Variants in MAP4K3 observed in about 807,000 individuals in gnomAD.
MAP4K3 encodes the protein MAPK/ERK kinase kinase kinase 3.
MAP4K3 carries 94 observed loss-of-function variants against 143.5 expected under a neutral mutation model. The observed-to-expected ratio is 0.65, with a 90% confidence interval of 0.55 to 0.78. The LOEUF (loss-of-function observed/expected upper bound fraction) is 0.78. Among genes scored for constraint, MAP4K3 ranks in the 30% least tolerant of loss-of-function variants. The pLI is 0.00. For synonymous variants in MAP4K3, 416 were observed against 347.2 expected, an observed-to-expected ratio of 1.20 and a Z score of -2.20; for missense variants, 1,077 against 1,068.1, an observed-to-expected ratio of 1.01 and a Z score of -0.12.
chr2:39,368,072 T>C (rs1573206195), intron 2 of MAP4K3, among the ~76,000 whole-genome samples: 1 of 152,186 alleles, frequency 6.6e-6, no homozygotes, highest in South Asian at 2.1e-4. Context: ...GAGCCAGGTT[T>C]ACCCGAGTGG....
intron 16 of MAP4K3, among the ~76,000 whole-genome samples, chr2:39,295,763 G>C (rs1023249359): frequency 7.8e-6 from 1 of 128,810 alleles, no homozygotes; most frequent in Non-Finnish European, 1.6e-5. Context: ...TTTTGGTCCA[G>C]TCTGGAGTGC....
intron 1 of MAP4K3, among the ~76,000 whole-genome samples, chr2:39,434,425 C>G (rs1665389092): frequency 6.6e-6 from 1 of 152,188 alleles, no homozygotes; most frequent in Non-Finnish European, 1.5e-5. Flanking sequence ...TTGGAAGAGT[C>G]TGGCAGGCAG....
At position 39,326,212 on chromosome 2, in the gene MAP4K3, G is replaced by C; in HGVS notation, c.596C>G (p.Ala199Gly). 3.7e-6 allele frequency: 6 copies of C among 1,613,894 alleles called. No individual in the cohort carries two copies. Among genetic ancestry groups the C allele is most frequent in the Non-Finnish European group, 5.1e-6 (6 of 1,179,890 alleles). Residue 199 changes from alanine to glycine, a missense_variant, in exon 9 of 34, where the codon GCA (alanine) becomes GGA (glycine). By Grantham distance (60) the Ala-to-Gly change is moderately conservative (BLOSUM62 0). Transcript: ENST00000263881. Reference sequence around the variant, plus strand: ...AAGTTCTATGGCAGTGATTCCCACTGCCCAGAGATCACAGAGTTGATTGTA... The same window carrying C: ...AAGTTCTATGGCAGTGATTCCCACTCCCCAGAGATCACAGAGTTGATTGTA... ...GGYNQLCDLW[A>G]VGITAIELAE...
intron 1 of MAP4K3, among the ~76,000 whole-genome samples, chr2:39,384,174 C>T (rs1232839003): frequency 6.6e-6 from 1 of 151,828 alleles, no homozygotes; most frequent in East Asian, 1.9e-4. Context: ...ATATGGCTCA[C>T]AAAGCCTGAA....
intron 26 of MAP4K3, among the ~76,000 whole-genome samples, chr2:39,269,260 A>G (rs968218082): frequency 1.3e-5 from 2 of 152,000 alleles, no homozygotes; most frequent in Non-Finnish European, 2.9e-5. Flanking sequence ...AAGCATAAAT[A>G]TAATATTAAA....
rs201438993 is a variant in MAP4K3 at position 39,274,219 on chromosome 2, C to CTTT, written c.1795-1678_1795-1677insAAA. Among the ~76,000 whole-genome samples, 5 of 144,410 alleles carry CTTT rather than the reference C, an allele frequency of 3.5e-5. 2 individuals carry two copies. The highest frequency in any genetic ancestry group is 5.1e-5 in the African/African-American group (2 of 39,514). The allele number at this position is 144,410 out of a possible 152,430, so 94.7% of individuals were successfully genotyped here. On this transcript the variant is annotated intron_variant, in intron 24 of 33. Transcript: ENST00000263881. ...ATTTCATTTTGAATTTTCTTTCTCT[C>CTTT]TCTTTTTTTTTTTTTGAGATGGAGT...
At chr2:39,336,255 C>T (rs1188647720) in intron 6 of MAP4K3, among the ~76,000 whole-genome samples, 1 of 151,864 alleles carries the variant, frequency 6.6e-6, no homozygotes, top group South Asian at 2.1e-4. Context: ...GGATGATCAC[C>T]TGAGGTCAGG....
intron 8 of MAP4K3, among the ~76,000 whole-genome samples, chr2:39,326,776 T>C (rs1683503816): frequency 6.6e-6 from 1 of 152,048 alleles, no homozygotes; most frequent in East Asian, 1.9e-4. Flanking sequence ...CCCCTATGCT[T>C]TTCTCATGAT....
At chr2:39,363,893 G>A (rs1444745526) in intron 2 of MAP4K3, among the ~76,000 whole-genome samples, 2 of 149,072 alleles carry the variant, frequency 1.3e-5, no homozygotes, top group Non-Finnish European at 3.0e-5. Context: ...TATACAAATG[G>A]CCAACAGATC....
chr2:39,279,278 T>C (rs2148463550), intron 23 of MAP4K3, among the ~76,000 whole-genome samples: 1 of 152,270 alleles, frequency 6.6e-6, no homozygotes, highest in East Asian at 1.9e-4. Context: ...GAATTTAAGA[T>C]TAGTACTGGG....
chr2:39,367,857 T>C (rs1466057774), intron 2 of MAP4K3, among the ~76,000 whole-genome samples: 5 of 152,374 alleles, frequency 3.3e-5, no homozygotes, highest in Non-Finnish European at 7.3e-5. Context: ...CATATATCTG[T>C]GCTTTGTACA....
At chr2:39,431,840 C>T (rs1463075137) in intron 1 of MAP4K3, among the ~76,000 whole-genome samples, 1 of 152,146 alleles carries the variant, frequency 6.6e-6, no homozygotes, top group African/African-American at 2.4e-5. Flanking sequence ...GAAACTGAGA[C>T]ACACAGAGAG....
At chr2:39,328,246 G>A (rs1223157560) in intron 8 of MAP4K3, among the ~76,000 whole-genome samples, 3 of 152,154 alleles carry the variant, frequency 2.0e-5, no homozygotes, top group African/African-American at 7.2e-5. Context: ...TGGGACGATC[G>A]CTTGAGCCTG....
intron 26 of MAP4K3, among the ~76,000 whole-genome samples, chr2:39,269,845 C>T (rs999625739): frequency 5.9e-5 from 9 of 152,128 alleles, no homozygotes; most frequent in Admixed American, 5.9e-4. Context: ...GTACCCTTGA[C>T]TAACTTTACA....
At chr2:39,419,126 T>C (rs1004255497) in intron 1 of MAP4K3, among the ~76,000 whole-genome samples, 76 of 152,158 alleles carry the variant, frequency 5.0e-4, no homozygotes, top group Admixed American at 1.1e-3. Context: ...ATATTTTAAA[T>C]AATGTTTTAA....
chr2:39,281,777 T>C (rs1242517386), intron 22 of MAP4K3, among the ~76,000 whole-genome samples: 2 of 150,562 alleles, frequency 1.3e-5, no homozygotes, highest in Non-Finnish European at 3.0e-5. Context: ...TATAAATCAA[T>C]ATTAAAATTA....
At chr2:39,333,430 G>C in intron 7 of MAP4K3, 102 bp downstream of exon 7, 1 of 809,130 alleles carries the variant, frequency 1.2e-6, no homozygotes, top group Middle Eastern at 2.3e-4. Flanking sequence ...ATACACAGAT[G>C]CCGTCTTAGG....
chr2:39,270,154 T>C (rs2148452402), intron 26 of MAP4K3, among the ~76,000 whole-genome samples: 1 of 152,328 alleles, frequency 6.6e-6, no homozygotes, highest in South Asian at 2.1e-4. Flanking sequence ...AACTGCCAAG[T>C]TCTGAAAGAC....
intron 3 of MAP4K3, among the ~76,000 whole-genome samples, chr2:39,344,007 C>A (rs1034758930): frequency 2.6e-5 from 4 of 152,110 alleles, no homozygotes; most frequent in Non-Finnish European, 4.4e-5. Context: ...TTATATAGGT[C>A]ATTCCTTTGT....
Sources: gnomAD v4.1 joint callset for allele counts (sites outside exome capture counted in the v4.1 genomes callset) on GRCh38, gnomAD v4.1.1 for gene constraint, MANE v1.5 for transcripts, NCBI Gene and HGNC (gene_info 2026-07-23, HGNC 2026-07-21) for gene names.